The following TTC28 variants were observed in gnomAD, a reference collection of about 807,000 sequenced individuals.
TTC28 encodes tetratricopeptide repeat protein 28.
Under a neutral mutation model 198.0 loss-of-function variants are expected in TTC28, and 61 were observed. The ratio of observed to expected loss-of-function variants is 0.31; its 90% confidence interval spans 0.25 to 0.38. TTC28 has a LOEUF of 0.38. TTC28 is among the 10% of genes least tolerant of loss of function. TTC28 has a pLI of 1.00. For missense variants in TTC28, 2,678 were observed against 3,164.0 expected, an observed-to-expected ratio of 0.85 and a Z score of 3.69; for synonymous variants, 1,171 against 1,297.8, an observed-to-expected ratio of 0.90 and a Z score of 2.10.
intron 2 of TTC28, among the ~76,000 whole-genome samples, chr22:28,595,654 A>G (rs1344652037): frequency 1.3e-5 from 2 of 152,214 alleles, no homozygotes; most frequent in South Asian, 2.1e-4. Context: ...GACCAGGCGC[A>G]GTGACTCACG....
At chr22:28,512,001 G>A (rs187635200) in intron 2 of TTC28, among the ~76,000 whole-genome samples, 1 of 152,008 alleles carries the variant, frequency 6.6e-6, no homozygotes, top group Non-Finnish European at 1.5e-5. Context: ...TATCATCGGA[G>A]TGAACGGAAA....
intron 1 of TTC28, among the ~76,000 whole-genome samples, chr22:28,675,499 C>T (rs1384851878): frequency 6.6e-6 from 1 of 152,052 alleles, no homozygotes; most frequent in Non-Finnish European, 1.5e-5. Flanking sequence ...CACCAGTAAT[C>T]CTAGCACTTT....
chr22:28,476,680 T>G (rs2048172323), intron 2 of TTC28, among the ~76,000 whole-genome samples: 1 of 152,192 alleles, frequency 6.6e-6, no homozygotes, highest in Admixed American at 6.5e-5. Flanking sequence ...TTTCCTTGAC[T>G]AGTAATGAGG....
At chr22:28,589,088 G>A (rs1301360476) in intron 2 of TTC28, among the ~76,000 whole-genome samples, 1 of 152,096 alleles carries the variant, frequency 6.6e-6, no homozygotes, top group Non-Finnish European at 1.5e-5. Context: ...AAGTAGCATT[G>A]AAGTACTCTG....
intron 2 of TTC28, among the ~76,000 whole-genome samples, chr22:28,602,394 T>TG (rs2050654161): frequency 1.3e-5 from 2 of 152,212 alleles, no homozygotes; most frequent in Admixed American, 6.5e-5. Flanking sequence ...CAAGGGGGTC[T>TG]GTGGTTTAGA....
chr22:28,477,892 C>T (rs2048187213), intron 2 of TTC28, among the ~76,000 whole-genome samples: 1 of 152,196 alleles, frequency 6.6e-6, no homozygotes, highest in South Asian at 2.1e-4. Flanking sequence ...AAAATCAAGT[C>T]AGTCCAATTG....
chr22:28,190,795 T>C (rs1601449638), intron 5 of TTC28, among the ~76,000 whole-genome samples: 1 of 152,338 alleles, frequency 6.6e-6, no homozygotes, highest in Non-Finnish European at 1.5e-5. Flanking sequence ...TTCACTCTTC[T>C]GCAGTACTGC....
chr22:28,590,417 C>G (rs2050407054), intron 2 of TTC28, among the ~76,000 whole-genome samples: 1 of 152,100 alleles, frequency 6.6e-6, no homozygotes, highest in Non-Finnish European at 1.5e-5. Flanking sequence ...GCGTGAGCCA[C>G]CACGCCCAGC....
At chr22:28,385,846 A>G (rs1006288569) in intron 2 of TTC28, among the ~76,000 whole-genome samples, 1 of 152,062 alleles carries the variant, frequency 6.6e-6, no homozygotes, top group Non-Finnish European at 1.5e-5. Flanking sequence ...AACTCTACTC[A>G]CTATGTCTGA....
intron 12 of TTC28, among the ~76,000 whole-genome samples, chr22:28,072,062 C>T (rs1465234865): frequency 2.0e-5 from 3 of 152,202 alleles, no homozygotes; most frequent in Admixed American, 6.5e-5. Context: ...TTAAGTCTAC[C>T]TCTTTGATCG....
intron 20 of TTC28, 125 bp downstream of exon 20, chr22:27,990,664 C>T (rs920632042): frequency 7.7e-6 from 7 of 905,768 alleles, no homozygotes; most frequent in South Asian, 5.3e-5. Context: ...GCGGGGGCGC[C>T]GCAGCCCGTG....
At chr22:28,437,192 C>T (rs1200015922) in intron 2 of TTC28, among the ~76,000 whole-genome samples, 2 of 152,080 alleles carry the variant, frequency 1.3e-5, no homozygotes, top group South Asian at 2.1e-4. Flanking sequence ...AAGCGATTCT[C>T]GTGCCTCAGC....
At chr22:28,473,094 G>T (rs912470495) in intron 2 of TTC28, among the ~76,000 whole-genome samples, 1 of 152,088 alleles carries the variant, frequency 6.6e-6, no homozygotes, top group Admixed American at 6.5e-5. Context: ...AAAAGAGAAG[G>T]TGGCTCATAA....
At chr22:28,404,190 G>A (rs2046963450) in intron 2 of TTC28, among the ~76,000 whole-genome samples, 1 of 152,104 alleles carries the variant, frequency 6.6e-6, no homozygotes, top group Admixed American at 6.5e-5. Flanking sequence ...CACCATCTCG[G>A]CTCATTGCAA....
rs73880399 is a variant in TTC28 at position 28,152,507 on chromosome 22, C to G, written c.1441+10585G>C. On this transcript the variant is annotated intron_variant, in intron 6 of 22. Coordinates refer to ENST00000397906, the MANE Select transcript of TTC28 (RefSeq NM_001145418.2). ...AGTCTTATCCTGGCTCTCCCTCATACTCTATAATCTCAGGTGAGTCACAAA... is the reference window on the plus strand; with the variant it reads ...AGTCTTATCCTGGCTCTCCCTCATAGTCTATAATCTCAGGTGAGTCACAAA... 3.4e-3 allele frequency among the ~76,000 whole-genome samples: 521 copies of G among 152,266 alleles called. 3 individuals carry two copies. Among genetic ancestry groups the G allele is most frequent in the African/African-American group, 0.012 (498 of 41,546 alleles).
At chr22:28,613,486 G>A (rs555068354) in intron 2 of TTC28, among the ~76,000 whole-genome samples, 1 of 152,116 alleles carries the variant, frequency 6.6e-6, no homozygotes, top group African/African-American at 2.4e-5. Flanking sequence ...AATGGGCAGA[G>A]ACACAACAAA....
chr22:28,035,473 G>C (rs528762343), intron 12 of TTC28, among the ~76,000 whole-genome samples: 7 of 152,212 alleles, frequency 4.6e-5, no homozygotes, highest in Non-Finnish European at 8.8e-5. Flanking sequence ...TGTGCCTTCT[G>C]ATTCTGAAAG....
At chr22:28,463,770 G>A (rs2047981903) in intron 2 of TTC28, among the ~76,000 whole-genome samples, 1 of 152,190 alleles carries the variant, frequency 6.6e-6, no homozygotes, top group African/African-American at 2.4e-5. Flanking sequence ...TGTGGGGTAG[G>A]GGGAGGGGGA....
intron 2 of TTC28, among the ~76,000 whole-genome samples, chr22:28,507,646 G>A (rs1601485116): frequency 1.3e-5 from 2 of 152,168 alleles, no homozygotes; most frequent in East Asian, 3.9e-4. Flanking sequence ...AAATGTTAAG[G>A]GCAGCTAAAG....
Sources: allele counts gnomAD v4.1 joint callset (sites outside exome capture counted in the v4.1 genomes callset), GRCh38; gene constraint gnomAD v4.1.1; transcripts MANE v1.5; gene names NCBI Gene and HGNC (gene_info 2026-07-23, HGNC 2026-07-21).